Variants in ACTN2 observed in about 807,000 individuals in gnomAD.
ACTN2 encodes actinin alpha 2, also known as alpha-actinin-2.
Under a neutral mutation model 113.8 loss-of-function variants are expected in ACTN2, and 39 were observed. The observed-to-expected ratio is 0.34, with a 90% confidence interval of 0.27 to 0.45. The LOEUF is 0.45. ACTN2 is among the 20% of genes least tolerant of loss of function. The pLI is 1.00. For missense variants in ACTN2, 992 were observed against 1,177.9 expected, an observed-to-expected ratio of 0.84 and a Z score of 2.31; for synonymous variants, 429 against 444.1, an observed-to-expected ratio of 0.97 and a Z score of 0.43.
intron 1 of ACTN2, among the ~76,000 whole-genome samples, chr1:236,708,784 A>C (rs1299692991): frequency 2.0e-5 from 3 of 152,172 alleles, no homozygotes; most frequent in Non-Finnish European, 4.4e-5. Context: ...TTTTGCCCTC[A>C]CAGACGGTTA....
intron 1 of ACTN2, among the ~76,000 whole-genome samples, chr1:236,716,420 GT>G (rs1175937593): frequency 6.6e-6 from 1 of 152,142 alleles, no homozygotes; most frequent in Non-Finnish European, 1.5e-5. Context: ...TTCTAATCTG[GT>G]TTTGGCAGGA....
rs368367224 is a variant in ACTN2 at position 236,686,691 on chromosome 1, C to T, written c.18C>T (p.Pro6=). The part of the protein sequence containing the change: MNQIE[P]GVQYNYVYDE... Reference sequence around the variant, plus strand: ...CGAGCGCCATGAACCAGATAGAGCCCGGCGTGCAGTACAACTACGTGTACG... The same window carrying T: ...CGAGCGCCATGAACCAGATAGAGCCTGGCGTGCAGTACAACTACGTGTACG... Residue 6 remains proline, a synonymous_variant, in exon 1 of 21, where the codon CCC becomes CCT. Transcript: ENST00000366578. The T allele has an allele frequency of 7.4e-5, 115 of 1,563,972 alleles. No individual in the cohort carries two copies. The highest frequency in any genetic ancestry group is 9.3e-5 in the Non-Finnish European group (108 of 1,155,176).
chr1:236,709,516 G>A lies in ACTN2; in HGVS notation c.127-8342G>A, dbSNP rs527754272. Among the ~76,000 whole-genome samples the A allele has an allele frequency of 3.3e-5, 5 of 151,382 alleles. 1 individual carries two copies. The South Asian group carries it at 1.0e-3, about 32-fold the overall frequency. Reference sequence around the variant, plus strand: ...CTGCCTGTCCTCCATGCCCCATCTCGGGGACCACTGCCGCTGTAGCTGGGG... The same window carrying A: ...CTGCCTGTCCTCCATGCCCCATCTCAGGGACCACTGCCGCTGTAGCTGGGG... On this transcript the variant is annotated intron_variant, in intron 1 of 20. Coordinates refer to ENST00000366578, the MANE Select transcript of ACTN2 (RefSeq NM_001103.4).
chr1:236,727,962 G>C (rs1658602771), intron 6 of ACTN2, among the ~76,000 whole-genome samples: 1 of 152,062 alleles, frequency 6.6e-6, no homozygotes, highest in South Asian at 2.1e-4. Context: ...TAAAATCAGG[G>C]AAAACAAGAC....
Position 236,727,661 on chromosome 1 carries a change from T to A in ACTN2, c.537-17T>A, listed in dbSNP as rs752920763. ...CTCCACTAACACGTGTTCCTGTTCT[T>A]CTCGACGGCTGTGAAGCTGGAAAGA... On this transcript the variant is annotated splice_polypyrimidine_tract_variant and intron_variant, in intron 5 of 20. Coordinates refer to ENST00000366578, the MANE Select transcript of ACTN2 (RefSeq NM_001103.4). The A allele has an allele frequency of 1.2e-6, 2 of 1,613,880 alleles. No homozygotes were observed. Among genetic ancestry groups the A allele is most frequent in the Non-Finnish European group, 1.7e-6 (2 of 1,179,894 alleles).
intron 1 of ACTN2, among the ~76,000 whole-genome samples, chr1:236,704,525 A>C (rs949594777): frequency 6.6e-5 from 10 of 152,170 alleles, no homozygotes; most frequent in Non-Finnish European, 1.3e-4. Flanking sequence ...CTAATGACCA[A>C]CCAACTTAAA....
intron 8 of ACTN2, chr1:236,736,529 G>T (rs946525997): frequency 7.3e-7 from 1 of 1,369,598 alleles, no homozygotes; most frequent in Non-Finnish European, 1.0e-6. Context: ...ACAGAGAATT[G>T]TGTATTACCT....
At chr1:236,715,221 T>G (rs948052440) in intron 1 of ACTN2, among the ~76,000 whole-genome samples, 3 of 151,490 alleles carry the variant, frequency 2.0e-5, no homozygotes, top group African/African-American at 7.3e-5. Flanking sequence ...GTTTGTTACA[T>G]ATGTATACAT....
In ACTN2 at chr1:236,739,380, A is replaced by G. The variant is rs754614411; in HGVS notation, c.955A>G (p.Lys319Glu). ...GAAGACCATGCAAGCCATGCAGAAGAAGCTGGAGGACTTCCGGGATTACCG... is the reference window on the plus strand; with the variant it reads ...GAAGACCATGCAAGCCATGCAGAAGGAGCTGGAGGACTTCCGGGATTACCG... ...PEKTMQAMQK[K>E]LEDFRDYRRK... is the part of the protein sequence containing the mutation. Residue 319 changes from lysine (K) to glutamate (E), a missense_variant, in exon 10 of 21, where the codon AAG becomes GAG. Physicochemically the swap from Lys to Glu is moderately conservative, Grantham distance 56. Coordinates refer to ENST00000366578, the MANE Select transcript of ACTN2 (RefSeq NM_001103.4). 2.5e-6 allele frequency: 4 copies of G among 1,614,046 alleles called. No individual in the cohort carries two copies. The Admixed American group carries it at 5.0e-5, about 20-fold the overall frequency.
rs773297054 is a variant in ACTN2, at chr1:236,762,510, C to T, written c.2576C>T (p.Ala859Val). 6.2e-7 allele frequency: 1 copy of T among 1,614,178 alleles called. No homozygotes were observed. The highest frequency in any genetic ancestry group is 1.1e-5 in the South Asian group (1 of 91,084). ...ELRRELPPDQAQYCIKRMPAY... is the reference protein window; with the variant it reads ...ELRRELPPDQVQYCIKRMPAY... The stretch of plus-strand genomic sequence containing the variant: ...CGTCGGGAGCTGCCCCCGGATCAGG[C>T]CCAGTACTGCATCAAGAGGATGCCC... The change falls in exon 21 of 21, where the codon GCC becomes GTC. Residue 859 changes from alanine to valine, a missense_variant. Transcript: ENST00000366578.
intron 1 of ACTN2, among the ~76,000 whole-genome samples, chr1:236,711,782 G>A (rs564964776): frequency 1.3e-5 from 2 of 152,266 alleles, no homozygotes; most frequent in South Asian, 2.1e-4. Flanking sequence ...TATATTTATG[G>A]CTAGGTGCAG....
Position 236,754,017 on chromosome 1 carries a change from G to A in ACTN2, c.1910G>A (p.Arg637His), listed in dbSNP as rs1259556889. 9.3e-6 allele frequency: 15 copies of A among 1,614,028 alleles called. No homozygotes were observed. The highest frequency in any genetic ancestry group is 3.3e-5 in the Admixed American group (2 of 60,006). ...EELARQHANE[R>H]LRRQFAAQAN... Reference sequence around the variant, plus strand: ...CTGGCTCGCCAGCATGCTAACGAGCGTCTGAGGCGCCAGTTTGCTGCCCAA... The same window carrying A: ...CTGGCTCGCCAGCATGCTAACGAGCATCTGAGGCGCCAGTTTGCTGCCCAA... The change falls in exon 16 of 21, where the codon CGT becomes CAT. Residue 637 changes from arginine to histidine, a missense_variant. Coordinates refer to ENST00000366578, the MANE Select transcript of ACTN2 (RefSeq NM_001103.4). This position sits in a 1 kb window ranked among gnomAD's most constrained non-coding sequence, Gnocchi z 4.9.
At position 236,757,457 on chromosome 1, in the gene ACTN2, A is replaced by G. The variant is rs775380731; in HGVS notation, c.2155-29A>G. Reference sequence around the variant, plus strand: ...GAGTTGACATGCTGGAGAGACTTAGAACTGATCTTTCCCCTTTTCCCTCAA... The same window carrying G: ...GAGTTGACATGCTGGAGAGACTTAGGACTGATCTTTCCCCTTTTCCCTCAA... On this transcript the variant is annotated intron_variant, in intron 17 of 20. Coordinates refer to ENST00000366578, the MANE Select transcript of ACTN2 (RefSeq NM_001103.4). 9 of 1,613,886 alleles carry G rather than the reference A, an allele frequency of 5.6e-6. No homozygotes were observed. In the African/African-American group the frequency reaches 6.7e-5, roughly 12 times the overall value.
chr1:236,739,527 G>T lies in ACTN2; in HGVS notation c.1102G>T (p.Val368Leu), dbSNP rs1181262427. 6.2e-7 allele frequency: 1 copy of T among 1,614,018 alleles called. No homozygotes were observed. Among genetic ancestry groups the T allele is most frequent in the Admixed American group, 1.7e-5 (1 of 60,016 alleles). Reference protein sequence around the residue: ...PAFMPSEGKMVSDIAGAWQRL... With the variant: ...PAFMPSEGKMLSDIAGAWQRL... ...CTTCATGCCCTCCGAGGGCAAGATG[G>T]TGTCGGTGAGTAGCAAGCGCCAAGC... Residue 368 changes from valine (V) to leucine (L), a missense_variant, in exon 10 of 21, where the codon GTG becomes TTG. Physicochemically the swap from Val to Leu is conservative, Grantham distance 32. Around this residue, in one of 3 missense-constraint regions of ACTN2, gnomAD observed 736 missense variants for 815.4 expected, o/e 0.90. Coordinates refer to ENST00000366578, the MANE Select transcript of ACTN2 (RefSeq NM_001103.4).
rs537813981 is a variant in ACTN2 at position 236,727,665 on chromosome 1, G to C, written c.537-13G>C. 2.5e-6 allele frequency: 4 copies of C among 1,614,018 alleles called. No individual in the cohort carries two copies. The highest frequency in any genetic ancestry group is 3.4e-6 in the Non-Finnish European group (4 of 1,179,948). On this transcript the variant is annotated splice_polypyrimidine_tract_variant and intron_variant, in intron 5 of 20. Transcript: ENST00000366578. ...ACTAACACGTGTTCCTGTTCTTCTC[G>C]ACGGCTGTGAAGCTGGAAAGATGGC...
intron 12 of ACTN2, among the ~76,000 whole-genome samples, chr1:236,745,064 G>A (rs1434077013): frequency 6.6e-6 from 1 of 152,168 alleles, no homozygotes; most frequent in Non-Finnish European, 1.5e-5. Flanking sequence ...AGAAAGCTAT[G>A]GGAAGGCGGC....
rs1049455128 is a variant in ACTN2 at position 236,749,102 on chromosome 1, C to T, written c.1516-22C>T. 10 of 1,613,640 alleles carry T rather than the reference C, an allele frequency of 6.2e-6. No homozygotes were observed. In the Admixed American group the frequency reaches 1.7e-4, roughly 27 times the overall value. On this transcript the variant is annotated intron_variant, in intron 13 of 20. Coordinates refer to ENST00000366578, the MANE Select transcript of ACTN2 (RefSeq NM_001103.4). The stretch of plus-strand genomic sequence containing the variant: ...ATTTTTTAATTAGTCTATGATAATG[C>T]TTGCTTCTCTTTATTCTTTAGAGAA...
chr1:236,742,143 A>C (rs943811473), intron 10 of ACTN2, among the ~76,000 whole-genome samples: 1 of 152,012 alleles, frequency 6.6e-6, no homozygotes, highest in Non-Finnish European at 1.5e-5. Flanking sequence ...TGCCACAGGG[A>C]CCACCCTGAC....
intron 19 of ACTN2, 64 bp downstream of exon 19, chr1:236,759,853 A>G (rs1659654959): frequency 1.3e-6 from 2 of 1,502,580 alleles, no homozygotes; most frequent in South Asian, 2.3e-5. Flanking sequence ...TTCTGTTATA[A>G]AAGATGACAA....
Sources: gnomAD v4.1 joint callset for allele counts (sites outside exome capture counted in the v4.1 genomes callset) on GRCh38, gnomAD v4.1.1 for gene constraint, gnomAD v4.1.1 regional missense constraint, Gnocchi (gnomAD v3.1) non-coding constraint, MANE v1.5 for transcripts, NCBI Gene and HGNC (gene_info 2026-07-23, HGNC 2026-07-21) for gene names.